PPIL2: variants seen among roughly 807,000 people sequenced by gnomAD.
PPIL2 encodes the protein peptidylprolyl isomerase like 2.
In PPIL2, 50 loss-of-function variants were observed where a neutral mutation model predicts 75.2. The observed-to-expected ratio is 0.66, with a 90% CI of 0.53 to 0.84. PPIL2 has a LOEUF of 0.84. PPIL2 is among the 40% of genes least tolerant of loss of function. The probability of loss-of-function intolerance (pLI) is 0.00; values close to 1 mark genes in which losing one functional copy is unlikely to be tolerated. For synonymous variants in PPIL2, 245 were observed against 258.8 expected, an observed-to-expected ratio of 0.95 and a Z score of 0.51; for missense variants, 590 against 685.0, an observed-to-expected ratio of 0.86 and a Z score of 1.55.
chr22:21,694,908 C>T (rs753689117), intron 18 of PPIL2, 29 bp from the exon 19 acceptor site: 10 of 1,608,874 alleles, frequency 6.2e-6, no homozygotes, highest in East Asian at 4.5e-5. Context: ...GAGGTGCTGC[C>T]GGTTAGCCAG....
intron 4 of PPIL2, among the ~76,000 whole-genome samples, chr22:21,671,445 T>C (rs1024975471): frequency 3.3e-5 from 5 of 152,242 alleles, no homozygotes; most frequent in African/African-American, 1.2e-4. Context: ...ATGATTGAGA[T>C]AACACTGTGA....
At chr22:21,671,520 C>CT (rs1002916288) in intron 4 of PPIL2, among the ~76,000 whole-genome samples, 4 of 152,016 alleles carry the variant, frequency 2.6e-5, no homozygotes, top group African/African-American at 9.7e-5. Flanking sequence ...GTGATGAGAG[C>CT]TTTTTTCCCC....
chr22:21,678,904 T>C (rs929959499), intron 6 of PPIL2, among the ~76,000 whole-genome samples: 1 of 151,184 alleles, frequency 6.6e-6, no homozygotes, highest in Non-Finnish European at 1.5e-5. Context: ...TTTTTTTTTT[T>C]TTTTTTTTTG....
At chr22:21,692,155 C>CTT (rs1290128171) in intron 15 of PPIL2, among the ~76,000 whole-genome samples, 5 of 144,212 alleles carry the variant, frequency 3.5e-5, no homozygotes, top group Non-Finnish European at 6.1e-5. Context: ...TCCTGACAGT[C>CTT]TTTTTTTTTT....
rs570283102 is a variant in PPIL2 at position 21,670,513 on chromosome 22, G to A, written c.83-53G>A. On this transcript the variant is annotated intron_variant, in intron 2 of 19. Transcript: ENST00000398831. The stretch of plus-strand genomic sequence containing the variant: ...ACTGAATTGCTAGCAGGTGCACATA[G>A]ATGAAATACTTTACAGAGTAAGATT... The A allele has an allele frequency of 9.6e-5, 149 of 1,545,972 alleles. 3 individuals are homozygous for A. The African/African-American group carries it at 1.8e-3, about 19-fold the overall frequency.
intron 15 of PPIL2, among the ~76,000 whole-genome samples, chr22:21,693,507 A>G (rs2067774283): frequency 6.6e-6 from 1 of 152,194 alleles, no homozygotes; most frequent in South Asian, 2.1e-4. Context: ...CCCTCGTCCC[A>G]GCCACCTCCC....
chr22:21,684,417 A>G lies in PPIL2; in HGVS notation c.554-336A>G, dbSNP rs554385833. Among the ~76,000 whole-genome samples the G allele has an allele frequency of 3.0e-4, 41 of 136,074 alleles. No individual in the cohort carries two copies. In the Admixed American group the frequency reaches 3.1e-3, roughly 10 times the overall value. The allele number at this position is 136,074 out of a possible 152,430, so 89.3% of individuals were successfully genotyped here. A position where few individuals can be genotyped will look rare whatever the true frequency, so the allele number is the denominator to read the frequency against. ...CAGTGAGCCGAGATTGCACCACTGC[A>G]CTCCAGCCTGGACGATAGAGCGAGA... On this transcript the variant is annotated intron_variant, in intron 9 of 19. Transcript: ENST00000398831.
chr22:21,672,311 T>A lies in PPIL2; in HGVS notation c.192-19T>A. ...GCCTAAGCACCCTGGTGATGCTTTC[T>A]GTTCTGTCTTCCCTTCAGGAACATT... On this transcript the variant is annotated intron_variant, in intron 4 of 19. Transcript: ENST00000398831. The A allele has an allele frequency of 6.2e-7, 1 of 1,606,140 alleles. No homozygotes were observed. The highest frequency in any genetic ancestry group is 8.5e-7 in the Non-Finnish European group (1 of 1,173,032).
At chr22:21,698,865 G>A (rs955601132), downstream of PPIL2, 3 of 152,554 alleles carry the variant, frequency 2.0e-5, no homozygotes, top group Admixed American at 2.0e-4. Context: ...AAACCCTCGG[G>A]GGAGACTAGC....
At chr22:21,675,913 G>A (rs1027727689) in intron 6 of PPIL2, among the ~76,000 whole-genome samples, 1 of 152,232 alleles carries the variant, frequency 6.6e-6, no homozygotes, top group African/African-American at 2.4e-5. Flanking sequence ...CGCTGTTCTT[G>A]TGGCCAGAGG....
At chr22:21,697,910 C>CTT (rs1555902102), downstream of PPIL2, 1 of 152,252 alleles carries the variant, frequency 6.6e-6, no homozygotes, top group African/African-American at 2.4e-5. Context: ...TGGGAAGATT[C>CTT]TTATTTTCAA....
At chr22:21,692,212 G>T (rs535732898) in intron 15 of PPIL2, among the ~76,000 whole-genome samples, 1 of 151,508 alleles carries the variant, frequency 6.6e-6, no homozygotes, top group African/African-American at 2.4e-5. Context: ...CTGGAGTGCA[G>T]CGGCGCGATC....
chr22:21,694,540 T>TCAA (rs2148579192), intron 16 of PPIL2, 53 bp from the exon 17 acceptor site: 1 of 1,600,218 alleles, frequency 6.2e-7, no homozygotes, highest in Non-Finnish European at 8.6e-7. Flanking sequence ...GGCTCAGCCG[T>TCAA]GGGGGTGCCC....
At chr22:21,691,867 ACTTGT>A (rs1448404803) in intron 15 of PPIL2, among the ~76,000 whole-genome samples, 1 of 152,178 alleles carries the variant, frequency 6.6e-6, no homozygotes, top group African/African-American at 2.4e-5. Flanking sequence ...ATCTGCGGAC[ACTTGT>A]CTGGTGGCCT....
At chr22:21,698,295 A>G (rs1235198604), downstream of PPIL2, 1 of 152,042 alleles carries the variant, frequency 6.6e-6, no homozygotes, top group African/African-American at 2.4e-5. Context: ...TCATAAGACT[A>G]CTAGTAAAAA....
At position 21,695,040 on chromosome 22, in the gene PPIL2, G is replaced by C. The variant is rs1253325240; in HGVS notation, c.1436G>C (p.Gly479Ala). Residue 479 changes from glycine to alanine, a missense_variant, in exon 19 of 20, where the codon GGC becomes GCC. By Grantham distance (60) the Gly-to-Ala change is moderately conservative. Coordinates refer to ENST00000398831, the MANE Select transcript of PPIL2 (RefSeq NM_014337.4). ...CAGGGCCCCCAGACCTTCCGCCAGG[G>C]CGTGGGCAAGTACATCAACCCAGCA... ...GSQGPQTFRQ[G>A]VGKYINPAAT... is the part of the protein sequence containing the mutation. 1 of 1,611,248 alleles carries C rather than the reference G, an allele frequency of 6.2e-7. No homozygotes were observed. Among genetic ancestry groups the C allele is most frequent in the Admixed American group, 1.7e-5 (1 of 59,958 alleles).
At chr22:21,676,308 TTTG>T (rs2066848671) in intron 6 of PPIL2, among the ~76,000 whole-genome samples, 2 of 123,822 alleles carry the variant, frequency 1.6e-5, no homozygotes, top group Admixed American at 8.6e-5. Flanking sequence ...ATTTATTTAT[TTTG>T]TGTGTGTGTG....
chr22:21,682,051 C>T (rs764760830), intron 7 of PPIL2, among the ~76,000 whole-genome samples: 13 of 152,236 alleles, frequency 8.5e-5, no homozygotes, highest in African/African-American at 1.9e-4. Flanking sequence ...TCTGCTAGAC[C>T]GCACCGCAGG....
Position 21,697,080 on chromosome 22 carries a change from C to T in PPIL2, c.*1590C>T. On this transcript the variant is annotated 3_prime_UTR_variant, in exon 20 of 20. Transcript: ENST00000398831. ...CTGGGCTCTAGAGTGACTTTTGACG[C>T]CCTCCATCCCTCCCGCCAGGCACTG... is the stretch of plus-strand genomic sequence containing the variant. 7.8e-7 allele frequency: 1 copy of T among 1,276,966 alleles called. No individual in the cohort carries two copies. Among genetic ancestry groups the T allele is most frequent in the South Asian group, 1.4e-5 (1 of 70,640 alleles). 79.1% of individuals were successfully genotyped at this position (1,276,966 alleles called of 1,614,324 possible). A position where few individuals can be genotyped will look rare whatever the true frequency, so the allele number is the denominator to read the frequency against.
Sources: gnomAD v4.1 joint callset for allele counts (sites outside exome capture counted in the v4.1 genomes callset) on GRCh38, gnomAD v4.1.1 for gene constraint, MANE v1.5 for transcripts, NCBI Gene and HGNC (gene_info 2026-07-23, HGNC 2026-07-21) for gene names.